Variants in GNAO1 observed in about 807,000 individuals in gnomAD.
The protein encoded by GNAO1 is guanine nucleotide-binding protein G(o) subunit alpha.
For missense variants in GNAO1, 166 were observed against 478.7 expected (o/e 0.35, Z 6.10); for synonymous variants, 164 against 180.7 (o/e 0.91, Z 0.74).
At position 56,356,966 on chromosome 16, in the gene GNAO1, G is replaced by A. The variant is rs1432931255; in HGVS notation, c.*892G>A. Reference sequence around the variant, plus strand: ...TGCGCCCCTCCCCACCCCTGCCTTTGTTTCGGTGCCCTGTGTCCGCTCTCT... The same window carrying A: ...TGCGCCCCTCCCCACCCCTGCCTTTATTTCGGTGCCCTGTGTCCGCTCTCT... On this transcript the variant is annotated 3_prime_UTR_variant, in exon 9 of 9. Coordinates refer to ENST00000262493, the MANE Select transcript of GNAO1 (RefSeq NM_020988.3). 6.7e-6 allele frequency: 1 copy of A among 149,466 alleles called. No homozygotes were observed. The highest frequency in any genetic ancestry group is 1.5e-5 in the Non-Finnish European group (1 of 67,556). The allele number at this position is 149,466 out of a possible 1,614,324, so 9.3% of individuals were successfully genotyped here. A position where few individuals can be genotyped will look rare whatever the true frequency, so the allele number is the denominator to read the frequency against.
chr16:56,300,036 T>TGTGTGTGCGC (rs753591618), intron 3 of GNAO1, among the ~76,000 whole-genome samples: 2 of 95,112 alleles, frequency 2.1e-5, no homozygotes, highest in African/African-American at 9.5e-5. Context: ...TGTGTGTGTG[T>TGTGTGTGCGC]GCGCGCGCGC....
At chr16:56,274,020 T>C (rs1035695088) in intron 2 of GNAO1, among the ~76,000 whole-genome samples, 3 of 152,264 alleles carry the variant, frequency 2.0e-5, no homozygotes, top group Non-Finnish European at 4.4e-5. Flanking sequence ...AAGTGCTCTC[T>C]CTTCGCAGTT....
At chr16:56,336,457 A>G in intron 5 of GNAO1, 2 of 332,580 alleles carry the variant, frequency 6.0e-6, no homozygotes, top group Non-Finnish European at 1.1e-5. Flanking sequence ...GCGCCCTCTT[A>G]GTAAAATGCT....
rs115645551 is a variant in GNAO1, at chr16:56,293,709, A to G, written c.303+17637A>G. ...ATATCAAACCCATAATTTCATATCTATGACTGAAGATGAGGCTAATTTCAG... is the reference window on the plus strand; with the variant it reads ...ATATCAAACCCATAATTTCATATCTGTGACTGAAGATGAGGCTAATTTCAG... On this transcript the variant is annotated intron_variant, in intron 3 of 8. Coordinates refer to ENST00000262493, the MANE Select transcript of GNAO1 (RefSeq NM_020988.3). Among the ~76,000 whole-genome samples the G allele has an allele frequency of 5.4e-3, 827 of 152,336 alleles. 11 individuals carry two copies. Among genetic ancestry groups the G allele is most frequent in the African/African-American group, 0.019 (793 of 41,572 alleles).
At position 56,294,401 on chromosome 16, in the gene GNAO1, C is replaced by T. The variant is rs546029435; in HGVS notation, c.303+18329C>T. On this transcript the variant is annotated intron_variant, in intron 3 of 8. Transcript: ENST00000262493. Reference sequence around the variant, plus strand: ...AGCTAGGTGTCTGCATGCAATGCCCCTCCCAGATCCTCTGCTTGTCTCTGG... The same window carrying T: ...AGCTAGGTGTCTGCATGCAATGCCCTTCCCAGATCCTCTGCTTGTCTCTGG... Among the ~76,000 whole-genome samples the T allele has an allele frequency of 2.0e-5, 3 of 151,980 alleles. No individual in the cohort carries two copies. In the South Asian group the frequency reaches 6.3e-4, roughly 32 times the overall value.
intron 6 of GNAO1, among the ~76,000 whole-genome samples, chr16:56,350,774 C>G (rs957387592): frequency 6.6e-6 from 1 of 152,070 alleles, no homozygotes; most frequent in African/African-American, 2.4e-5. Flanking sequence ...AGGAAGGGCC[C>G]GGAGTCTCTC....
At chr16:56,307,446 G>A (rs1427874649) in intron 3 of GNAO1, 1 of 152,180 alleles carries the variant, frequency 6.6e-6, no homozygotes, top group East Asian at 1.9e-4. Context: ...AGCAGATTTT[G>A]TAGTTATTGT....
chr16:56,320,901 T>C (rs1432637355), intron 3 of GNAO1, among the ~76,000 whole-genome samples: 1 of 152,202 alleles, frequency 6.6e-6, no homozygotes, highest in African/African-American at 2.4e-5. Flanking sequence ...ATGAACTCCT[T>C]ACAGGACTGC....
intron 2 of GNAO1, among the ~76,000 whole-genome samples, chr16:56,222,788 G>A (rs1357818853): frequency 1.3e-5 from 2 of 152,178 alleles, no homozygotes; most frequent in African/African-American, 2.4e-5. Flanking sequence ...CCCTTGACAC[G>A]TGGGAGAGCA....
At chr16:56,199,949 C>A (rs1388330166) in intron 2 of GNAO1, among the ~76,000 whole-genome samples, 1 of 152,182 alleles carries the variant, frequency 6.6e-6, no homozygotes, top group African/African-American at 2.4e-5. Flanking sequence ...GATTTGTCAA[C>A]CATCCTAGAA....
chr16:56,228,829 C>T lies in GNAO1; in HGVS notation c.161+36213C>T, dbSNP rs533020267. ...AAATTAGCATCCCACTGTTACCGCC[C>T]CTTCACTTACCCTGCTTCATATATC... On this transcript the variant is annotated intron_variant, in intron 2 of 8. Transcript: ENST00000262493. Among the ~76,000 whole-genome samples the T allele has an allele frequency of 2.7e-5, 4 of 149,446 alleles. No individual in the cohort carries two copies. The East Asian group carries it at 5.8e-4, about 22-fold the overall frequency.
intron 2 of GNAO1, among the ~76,000 whole-genome samples, chr16:56,242,860 C>A (rs527884766): frequency 6.6e-6 from 1 of 152,314 alleles, no homozygotes; most frequent in East Asian, 1.9e-4. Context: ...GGGCCACAGA[C>A]TGGTGGGAAC....
intron 2 of GNAO1, among the ~76,000 whole-genome samples, chr16:56,254,212 C>G (rs2036826213): frequency 6.6e-6 from 1 of 152,040 alleles, no homozygotes; most frequent in Non-Finnish European, 1.5e-5. Context: ...TCTAGTAATT[C>G]AAATTATATT....
chr16:56,340,959 G>C, intron 6 of GNAO1: 1 of 1,613,900 alleles, frequency 6.2e-7, no homozygotes, highest in East Asian at 2.2e-5. Flanking sequence ...AGAAGTCCCC[G>C]CTCACCATCT....
intron 2 of GNAO1, among the ~76,000 whole-genome samples, chr16:56,251,373 A>C (rs538128445): frequency 1.3e-3 from 194 of 152,360 alleles, no homozygotes; most frequent in African/African-American, 4.4e-3. Context: ...TACAAGTGAA[A>C]TCAAGTTCAC....
chr16:56,332,098 G>A (rs907117321), intron 4 of GNAO1, among the ~76,000 whole-genome samples: 2 of 152,068 alleles, frequency 1.3e-5, no homozygotes, highest in Admixed American at 6.6e-5. Context: ...ATCTGGTGAC[G>A]ACAGCAGCTC....
intron 3 of GNAO1, among the ~76,000 whole-genome samples, chr16:56,296,054 G>A (rs1341728695): frequency 4.6e-5 from 7 of 152,172 alleles, no homozygotes; most frequent in African/African-American, 9.7e-5. Flanking sequence ...CCTTTGATAC[G>A]TGATCAGAAA....
At chr16:56,215,619 G>A (rs1346931627) in intron 2 of GNAO1, among the ~76,000 whole-genome samples, 3 of 152,184 alleles carry the variant, frequency 2.0e-5, no homozygotes, top group East Asian at 1.9e-4. Flanking sequence ...CTATATGTAC[G>A]TTTGGTTCCT....
chr16:56,239,117 G>A (rs1289159116), intron 2 of GNAO1, among the ~76,000 whole-genome samples: 3 of 152,216 alleles, frequency 2.0e-5, no homozygotes, highest in Non-Finnish European at 2.9e-5. Context: ...TCACATCACA[G>A]ACTCACATCT....
Sources: allele counts gnomAD v4.1 joint callset (sites outside exome capture counted in the v4.1 genomes callset), GRCh38; gene constraint gnomAD v4.1.1; transcripts MANE v1.5; gene names NCBI Gene and HGNC (gene_info 2026-07-23, HGNC 2026-07-21).